PRKG1: variants seen among roughly 807,000 people sequenced by gnomAD.
PRKG1 encodes the protein cGMP-dependent protein kinase 1.
In PRKG1, 35 loss-of-function variants were observed where a neutral mutation model predicts 88.1. The observed-to-expected ratio is 0.40, with a 90% CI of 0.30 to 0.53. The LOEUF is 0.53. PRKG1 is among the 20% of genes least tolerant of loss of function. The pLI, the probability that PRKG1 is intolerant of heterozygous loss-of-function variation, is 0.59. For missense variants in PRKG1, 540 were observed against 839.8 expected (o/e 0.64, Z 4.41); for synonymous variants, 303 against 292.5 (o/e 1.04, Z -0.37).
At chr10:51,697,616 G>C in intron 3 of PRKG1, 1 of 1,313,156 alleles carries the variant, frequency 7.6e-7, no homozygotes, top group South Asian at 1.3e-5. Context: ...CAAGTGTGGG[G>C]ATACAGAAGT....
intron 2 of PRKG1, among the ~76,000 whole-genome samples, chr10:51,344,080 G>A (rs938658836): frequency 1.3e-5 from 2 of 152,140 alleles, no homozygotes; most frequent in African/African-American, 4.8e-5. Flanking sequence ...CCTGAGACTG[G>A]GTAATTTATA....
intron 1 of PRKG1, among the ~76,000 whole-genome samples, chr10:51,129,044 T>C (rs1845500043): frequency 6.6e-6 from 1 of 152,198 alleles, no homozygotes; most frequent in African/African-American, 2.4e-5. Flanking sequence ...CTGTAAATTT[T>C]TCAGGTGATC....
intron 3 of PRKG1, among the ~76,000 whole-genome samples, chr10:51,580,180 G>C (rs930795583): frequency 6.6e-6 from 1 of 152,016 alleles, no homozygotes; most frequent in Non-Finnish European, 1.5e-5. Context: ...GTCACTCTCT[G>C]TTATGTTTTT....
chr10:52,132,268 G>A (rs1837287587), intron 7 of PRKG1, among the ~76,000 whole-genome samples: 1 of 151,972 alleles, frequency 6.6e-6, no homozygotes, highest in African/African-American at 2.4e-5. Flanking sequence ...TCCCAAGGTG[G>A]GTGTTTCAGA....
At chr10:52,008,983 CAT>C (rs1409644612) in intron 5 of PRKG1, among the ~76,000 whole-genome samples, 3 of 152,086 alleles carry the variant, frequency 2.0e-5, no homozygotes, top group Non-Finnish European at 4.4e-5. Flanking sequence ...ATCATCCCCT[CAT>C]AGTAAAAACC....
chr10:51,415,563 A>G (rs1403999771), intron 2 of PRKG1, among the ~76,000 whole-genome samples: 2 of 152,162 alleles, frequency 1.3e-5, no homozygotes, highest in Non-Finnish European at 2.9e-5. Context: ...TACAGACAGG[A>G]CTTGTAATTA....
At chr10:52,169,445 C>T (rs538141467) in intron 9 of PRKG1, among the ~76,000 whole-genome samples, 2 of 152,176 alleles carry the variant, frequency 1.3e-5, no homozygotes, top group Admixed American at 6.5e-5. Flanking sequence ...GGCACTAAGT[C>T]CCATTCCTGA....
intron 2 of PRKG1, among the ~76,000 whole-genome samples, chr10:51,285,582 G>A (rs1840419243): frequency 6.6e-6 from 1 of 152,196 alleles, no homozygotes; most frequent in African/African-American, 2.4e-5. Context: ...GTAGGTTGTA[G>A]GAGACGACTT....
intron 3 of PRKG1, among the ~76,000 whole-genome samples, chr10:51,534,957 C>CA (rs1196789116): frequency 1.3e-5 from 2 of 151,540 alleles, no homozygotes; most frequent in Non-Finnish European, 2.9e-5. Context: ...AACCAACAAG[C>CA]AAAAAAAGTA....
intron 3 of PRKG1, among the ~76,000 whole-genome samples, chr10:51,629,259 A>T (rs573107440): frequency 6.6e-6 from 1 of 152,076 alleles, no homozygotes; most frequent in Non-Finnish European, 1.5e-5. Flanking sequence ...TGGCACCAGA[A>T]ACCAGTTTCA....
chr10:51,397,125 A>ATT lies in PRKG1; in HGVS notation c.479-70581_479-70580dup, dbSNP rs35688462. ...ATATCATGTATCTTGATTACTGAGT[A>ATT]TTTTTTTTTTTTTTTTTTGGTGCCC... is the stretch of plus-strand genomic sequence containing the variant. On this transcript the variant is annotated intron_variant, in intron 2 of 17. Coordinates refer to ENST00000373980, the MANE Select transcript of PRKG1 (RefSeq NM_006258.4). 8.1e-3 allele frequency among the ~76,000 whole-genome samples: 1,016 copies of ATT among 126,066 alleles called. 8 individuals carry two copies. The highest frequency in any genetic ancestry group is 0.027 in the African/African-American group (934 of 34,068). 82.7% of individuals were successfully genotyped at this position (126,066 alleles called of 152,430 possible).
At chr10:51,754,923 C>T (rs920205004) in intron 3 of PRKG1, among the ~76,000 whole-genome samples, 1 of 151,836 alleles carries the variant, frequency 6.6e-6, no homozygotes, top group African/African-American at 2.4e-5. Flanking sequence ...TGGATTGGCT[C>T]CCCACAGGCA....
chr10:52,062,657 T>A (rs1289316714), intron 7 of PRKG1, 26 bp downstream of exon 7: 5 of 1,534,662 alleles, frequency 3.3e-6, no homozygotes. Flanking sequence ...GTTATACAGG[T>A]TTTTGTTTGA....
At chr10:52,113,713 G>A (rs1002233122) in intron 7 of PRKG1, among the ~76,000 whole-genome samples, 4 of 152,084 alleles carry the variant, frequency 2.6e-5, no homozygotes, top group African/African-American at 9.7e-5. Flanking sequence ...TAAGTCTCAT[G>A]CTATAGCTGC....
intron 1 of PRKG1, among the ~76,000 whole-genome samples, chr10:51,061,434 G>A (rs762438187): frequency 6.6e-6 from 1 of 152,152 alleles, no homozygotes; most frequent in Non-Finnish European, 1.5e-5. Context: ...TGGGAACTCA[G>A]CCAAACCATA....
chr10:51,571,583 C>G (rs1261987063), intron 3 of PRKG1, among the ~76,000 whole-genome samples: 1 of 151,782 alleles, frequency 6.6e-6, no homozygotes, highest in Non-Finnish European at 1.5e-5. Flanking sequence ...AAGAAGTTTT[C>G]ACGAGCTCTT....
At chr10:51,645,243 G>C (rs1345446190) in intron 3 of PRKG1, among the ~76,000 whole-genome samples, 1 of 152,054 alleles carries the variant, frequency 6.6e-6, no homozygotes, top group African/African-American at 2.4e-5. Flanking sequence ...TTTTTTACTT[G>C]TAAGACTTGC....
chr10:52,070,901 G>A (rs1437931774), intron 7 of PRKG1, among the ~76,000 whole-genome samples: 1 of 152,134 alleles, frequency 6.6e-6, no homozygotes, highest in African/African-American at 2.4e-5. Flanking sequence ...TCAAACCCCA[G>A]CTCCATTGTT....
chr10:51,422,033 T>G, intron 2 of PRKG1, among the ~76,000 whole-genome samples: 1 of 152,090 alleles, frequency 6.6e-6, no homozygotes. Context: ...ATTTATAGAG[T>G]GTTTGCTTAC....
Sources: gnomAD v4.1 joint callset for allele counts (sites outside exome capture counted in the v4.1 genomes callset) on GRCh38, gnomAD v4.1.1 for gene constraint, MANE v1.5 for transcripts, NCBI Gene and HGNC (gene_info 2026-07-23, HGNC 2026-07-21) for gene names.